The following OR4K1 variants were observed in gnomAD, a reference collection of about 807,000 sequenced individuals.
OR4K1 encodes olfactory receptor family 4 subfamily K member 1.
In OR4K1, 16 loss-of-function variants were observed where a neutral mutation model predicts 14.4. The ratio of observed to expected loss-of-function variants is 1.11; its 90% CI spans 0.75 to 1.68. OR4K1 has a LOEUF of 1.68. OR4K1 is among the 40% of genes most tolerant of loss of function. OR4K1 has a pLI of 0.00. For synonymous variants in OR4K1, 181 were observed against 133.1 expected, an observed-to-expected ratio of 1.36 and a Z score of -2.48; for missense variants, 548 against 376.9, an observed-to-expected ratio of 1.45 and a Z score of -3.76.
upstream of OR4K1, among the ~76,000 whole-genome samples, chr14:19,925,995 G>A (rs530594844): frequency 1.3e-5 from 2 of 152,394 alleles, no homozygotes; most frequent in South Asian, 4.1e-4. Context: ...AAGGTGGGGT[G>A]TGGGTGGAAT....
chr14:19,921,240 T>C, the OR4K1 span: 2 of 1,614,086 alleles, frequency 1.2e-6, no homozygotes, highest in Admixed American at 3.3e-5. Flanking sequence ...AAGCACTTTC[T>C]CTCTCTTGGT....
intron 1 of OR4K1, among the ~76,000 whole-genome samples, chr14:19,934,123 AC>A (rs1882249604): frequency 6.6e-6 from 1 of 152,246 alleles, no homozygotes; most frequent in Admixed American, 6.5e-5. Flanking sequence ...CCACTGAAGA[AC>A]ATGGAGGGGT....
chr14:19,920,481 G>A, the OR4K1 span: 6 of 1,266,704 alleles, frequency 4.7e-6, no homozygotes, highest in East Asian at 9.6e-5. Context: ...TTTGCATTCA[G>A]CAAATGCACA....
At chr14:19,932,680 C>T (rs1253605908) in intron 1 of OR4K1, among the ~76,000 whole-genome samples, 1 of 152,204 alleles carries the variant, frequency 6.6e-6, no homozygotes, top group African/African-American at 2.4e-5. Flanking sequence ...AAGTATACAA[C>T]TTACTAGTAG....
At position 19,936,143 on chromosome 14, in the gene OR4K1, C is replaced by A; in HGVS notation, c.477C>A (p.His159Gln). ...WAVGVLHSVSHLAFTVDLPFC... is the reference protein window; with the variant it reads ...WAVGVLHSVSQLAFTVDLPFC... ...TGGGCGTTCTTCATTCTGTGAGCCA[C>A]TTGGCTTTTACAGTGGACCTGCCAT... The change falls in exon 2 of 2, where the codon CAC (histidine) becomes CAA (glutamine). Residue 159 changes from histidine to glutamine, a missense_variant. Physicochemically the swap from His to Gln is conservative, Grantham distance 24. Transcript: ENST00000641172. 2 of 1,614,244 alleles carry A rather than the reference C, an allele frequency of 1.2e-6. No individual in the cohort carries two copies. The highest frequency in any genetic ancestry group is 1.7e-6 in the Non-Finnish European group (2 of 1,180,048).
chr14:19,930,608 T>C (rs1046045175), upstream of OR4K1, among the ~76,000 whole-genome samples: 1 of 152,250 alleles, frequency 6.6e-6, no homozygotes, highest in African/African-American at 2.4e-5. Context: ...GATTGTGTGA[T>C]TGTTTTATTA....
chr14:19,936,668 GC>G lies in OR4K1; in HGVS notation c.*68del. 7.1e-7 allele frequency: 1 copy of G among 1,416,666 alleles called. No individual in the cohort carries two copies. Among genetic ancestry groups the G allele is most frequent in the Non-Finnish European group, 9.5e-7 (1 of 1,051,788 alleles). 87.8% of individuals were successfully genotyped at this position (1,416,666 alleles called of 1,614,324 possible). On this transcript the variant is annotated 3_prime_UTR_variant, in exon 2 of 2. Transcript: ENST00000641172. ...ACCCTCCAGTGTATCATAGTGTCAT[GC>G]CAACCATCTTTGCCAGACATATGGG...
chr14:19,936,270 A>C lies in OR4K1; in HGVS notation c.604A>C (p.Asn202His), dbSNP rs1379905607. 1 of 1,614,106 alleles carries C rather than the reference A, an allele frequency of 6.2e-7. No homozygotes were observed. Among genetic ancestry groups the C allele is most frequent in the African/African-American group, 1.3e-5 (1 of 74,932 alleles). Residue 202 changes from asparagine (N) to histidine (H), a missense_variant, in exon 2 of 2, where the codon AAC (asparagine) becomes CAC (histidine). Asn to His is a moderately conservative substitution (Grantham distance 68). Transcript: ENST00000641172. ...TGAAATGGAAATTATGACCCTAACG[A>C]ACAGTGGCCTGATATCATTGAGCTG... ...TYEMEIMTLT[N>H]SGLISLSCFL...
the OR4K1 span, among the ~76,000 whole-genome samples, chr14:19,925,340 T>C: frequency 6.6e-6 from 1 of 152,212 alleles, no homozygotes; most frequent in Non-Finnish European, 1.5e-5. Context: ...AATTTTCAGC[T>C]ATTTCTCTCA....
intron 1 of OR4K1, among the ~76,000 whole-genome samples, chr14:19,932,452 G>A (rs1206272925): frequency 2.6e-5 from 4 of 151,544 alleles, no homozygotes; most frequent in South Asian, 2.1e-4. Flanking sequence ...TGCCTATTAC[G>A]TTCCACTCTG....
chr14:19,936,009 C>T lies in OR4K1; in HGVS notation c.343C>T (p.Leu115Phe), dbSNP rs753815513. 8 of 1,614,206 alleles carry T rather than the reference C, an allele frequency of 5.0e-6. No homozygotes were observed. In the South Asian group the frequency reaches 5.5e-5, roughly 11 times the overall value. Residue 115 changes from leucine to phenylalanine, a missense_variant, in exon 2 of 2, where the codon CTT becomes TTT. Transcript: ENST00000641172. ...TTTTGTTGGGAGTGAGATGATGTTGCTTGTAGCTATGGCATATGACAGATT... is the reference window on the plus strand; with the variant it reads ...TTTTGTTGGGAGTGAGATGATGTTGTTTGTAGCTATGGCATATGACAGATT... ...HSFVGSEMML[L>F]VAMAYDRFIA...
rs1882335355 is a variant in OR4K1, at chr14:19,936,622, T to A, written c.*20T>A. 6.4e-7 allele frequency: 1 copy of A among 1,562,856 alleles called. No individual in the cohort carries two copies. The highest frequency in any genetic ancestry group is 1.4e-5 in the African/African-American group (1 of 73,090). On this transcript the variant is annotated 3_prime_UTR_variant, in exon 2 of 2. Coordinates refer to ENST00000641172, the MANE Select transcript of OR4K1 (RefSeq NM_001004063.3). ...AACTAGGGATCATTACGAAGGAGCA[T>A]AATCCTGAATTAGAATGAAGACCCT...
At chr14:19,933,380 C>CTTTAGGAA (rs1309133180) in intron 1 of OR4K1, among the ~76,000 whole-genome samples, 1 of 152,108 alleles carries the variant, frequency 6.6e-6, no homozygotes, top group East Asian at 1.9e-4. Context: ...AACTATAGCT[C>CTTTAGGAA]TTTAGGAATT....
At chr14:19,920,619 A>T in the OR4K1 span, 2 of 1,606,556 alleles carry the variant, frequency 1.2e-6, no homozygotes. Flanking sequence ...GGATAAGTCC[A>T]ATTCTTCAGT....
Position 19,935,804 on chromosome 14 carries a change from T to C in OR4K1, c.138T>C (p.Ile46=). The C allele has an allele frequency of 6.2e-7, 1 of 1,614,220 alleles. No individual in the cohort carries two copies. Among genetic ancestry groups the C allele is most frequent in the Non-Finnish European group, 8.5e-7 (1 of 1,180,032 alleles). The change falls in exon 2 of 2, where the codon ATT becomes ATC. Residue 46 remains isoleucine, a synonymous_variant. Transcript: ENST00000641172. ...CAGTGCTAGGCAATGTCTTAATTAT[T>C]GTCATTATTTCTTTTGACTCCCATT... ...VTSVLGNVLI[I]VIISFDSHLN... is the part of the protein sequence containing the mutation.
chr14:19,936,738 A>T lies in OR4K1; in HGVS notation c.*136A>T, dbSNP rs1594457797. ...GGCTTTTTGTTTTAAGTGCAAGGGA[A>T]TTGCATCAAGTCAGTCTCTGGTTCT... On this transcript the variant is annotated 3_prime_UTR_variant, in exon 2 of 2. Transcript: ENST00000641172. 1.5e-6 allele frequency: 1 copy of T among 645,652 alleles called. No individual in the cohort carries two copies. 40.0% of individuals were successfully genotyped at this position (645,652 alleles called of 1,614,324 possible). A position where few individuals can be genotyped will look rare whatever the true frequency, so the allele number is the denominator to read the frequency against.
chr14:19,920,403 A>G, the OR4K1 span, among the ~76,000 whole-genome samples: 1 of 152,234 alleles, frequency 6.6e-6, no homozygotes, highest in Non-Finnish European at 1.5e-5. Context: ...AGCATTATTT[A>G]GACATTTACA....
At chr14:19,935,224 C>T (rs1371482807) in intron 1 of OR4K1, among the ~76,000 whole-genome samples, 1 of 152,018 alleles carries the variant, frequency 6.6e-6, no homozygotes, top group East Asian at 1.9e-4. Context: ...AAGACTTTTC[C>T]TTCACTTTTG....
At chr14:19,921,095 T>A in the OR4K1 span, 1 of 1,614,206 alleles carries the variant, frequency 6.2e-7, no homozygotes, top group Non-Finnish European at 8.5e-7. Flanking sequence ...TATCATTTAC[T>A]GTGAACCTGC....
Sources: gnomAD v4.1 joint callset for allele counts (sites outside exome capture counted in the v4.1 genomes callset) on GRCh38, gnomAD v4.1.1 for gene constraint, MANE v1.5 for transcripts, NCBI Gene and HGNC (gene_info 2026-07-23, HGNC 2026-07-21) for gene names.